GPR149: variants seen among roughly 807,000 people sequenced by gnomAD.
The protein encoded by GPR149 is G protein-coupled receptor 149.
GPR149 carries 50 observed loss-of-function variants against 50.2 expected under a neutral mutation model. That is an observed-to-expected ratio of 1.00 (90% CI 0.79 to 1.26). The LOEUF is 1.26. Ranked by LOEUF, GPR149 falls within the 50% of genes most tolerant of loss-of-function variation. The pLI is 0.00. For synonymous variants in GPR149, 405 were observed against 358.2 expected (o/e 1.13, Z -1.48); for missense variants, 983 against 895.4 (o/e 1.10, Z -1.25).
In GPR149 at chr3:154,388,869, A is replaced by AC. The variant is rs1553765299; in HGVS notation, c.1623+32169_1623+32170insG. On this transcript the variant is annotated intron_variant, in intron 3 of 3. Coordinates refer to ENST00000389740, the MANE Select transcript of GPR149 (RefSeq NM_001038705.3). ...TTATGGTAACATTTCACACATATGA[A>AC]AAACACACACACACACACACACACA... Among the ~76,000 whole-genome samples, 3 of 121,352 alleles carry AC rather than the reference A, an allele frequency of 2.5e-5. No individual in the cohort carries two copies. The East Asian group carries it at 9.2e-4, about 37-fold the overall frequency. 79.6% of individuals were successfully genotyped at this position (121,352 alleles called of 152,430 possible).
chr3:154,406,428 A>G (rs1460167455), intron 3 of GPR149, among the ~76,000 whole-genome samples: 1 of 152,198 alleles, frequency 6.6e-6, no homozygotes, highest in Non-Finnish European at 1.5e-5. Flanking sequence ...TCCTGAAGCT[A>G]CACCTCCAAC....
At chr3:154,387,786 G>T (rs1559982102) in intron 3 of GPR149, among the ~76,000 whole-genome samples, 1 of 152,016 alleles carries the variant, frequency 6.6e-6, no homozygotes, top group South Asian at 2.1e-4. Context: ...TCTCCAGAGT[G>T]CTAAAAAATC....
chr3:154,371,565 C>A (rs999635596), intron 3 of GPR149, among the ~76,000 whole-genome samples: 57 of 152,132 alleles, frequency 3.7e-4, no homozygotes, highest in African/African-American at 1.3e-3. Context: ...ATTGCCAACT[C>A]CCTAGTGACC....
chr3:154,369,095 C>A (rs866267201), intron 3 of GPR149, among the ~76,000 whole-genome samples: 1 of 152,182 alleles, frequency 6.6e-6, no homozygotes, highest in Non-Finnish European at 1.5e-5. Context: ...ACCTGACCCT[C>A]GGGGGATGCC....
chr3:154,352,300 T>G, intron 3 of GPR149: 1 of 907,008 alleles, frequency 1.1e-6, no homozygotes, highest in Non-Finnish European at 1.7e-6. Flanking sequence ...GACCAGCCAC[T>G]TGACCAGCCA....
chr3:154,349,289 A>C (rs1714009552), intron 3 of GPR149, among the ~76,000 whole-genome samples: 2 of 152,230 alleles, frequency 1.3e-5, no homozygotes, highest in Non-Finnish European at 2.9e-5. Context: ...AAAACAGAAA[A>C]ACAAAGAGGA....
At chr3:154,402,939 A>G (rs1230773752) in intron 3 of GPR149, among the ~76,000 whole-genome samples, 1 of 140,508 alleles carries the variant, frequency 7.1e-6, no homozygotes, top group Admixed American at 6.9e-5. Context: ...AGCATTTTGT[A>G]ATTTCCTAAT....
chr3:154,336,999 C>T lies in GPR149; in HGVS notation c.*700G>A, dbSNP rs947906282. 5.9e-5 allele frequency: 9 copies of T among 151,930 alleles called. No homozygotes were observed. The highest frequency in any genetic ancestry group is 1.9e-4 in the African/African-American group (8 of 41,390). The allele number at this position is 151,930 out of a possible 1,614,324, so 9.4% of individuals were successfully genotyped here. A position where few individuals can be genotyped will look rare whatever the true frequency, so the allele number is the denominator to read the frequency against. ...GTTAAAGATACTTCTAATTCCACCT[C>T]TAACACACAATATATTTGTTTTATG... On this transcript the variant is annotated 3_prime_UTR_variant, in exon 4 of 4. Transcript: ENST00000389740.
intron 3 of GPR149, among the ~76,000 whole-genome samples, chr3:154,358,927 T>C (rs1714315123): frequency 6.6e-6 from 1 of 152,208 alleles, no homozygotes; most frequent in Admixed American, 6.5e-5. Flanking sequence ...AATACATTAC[T>C]GCTTCATTTT....
chr3:154,419,639 G>A (rs1712082510), intron 3 of GPR149, among the ~76,000 whole-genome samples: 1 of 151,974 alleles, frequency 6.6e-6, no homozygotes, highest in African/African-American at 2.4e-5. Flanking sequence ...AATCTGTAAG[G>A]GGTAATCACG....
rs187898525 is a variant in GPR149, at chr3:154,337,284, T to G, written c.*415A>C. On this transcript the variant is annotated 3_prime_UTR_variant, in exon 4 of 4. Coordinates refer to ENST00000389740, the MANE Select transcript of GPR149 (RefSeq NM_001038705.3). Reference sequence around the variant, plus strand: ...ATATAATTTGGGGTTTTGTTACATTTCTTCCATTCCCAGAATTCCTCTTTT... The same window carrying G: ...ATATAATTTGGGGTTTTGTTACATTGCTTCCATTCCCAGAATTCCTCTTTT... Among the ~76,000 whole-genome samples the G allele has an allele frequency of 6.6e-6, 1 of 152,178 alleles. No individual in the cohort carries two copies. The highest frequency in any genetic ancestry group is 6.5e-5 in the Admixed American group (1 of 15,276).
intron 3 of GPR149, among the ~76,000 whole-genome samples, chr3:154,397,801 A>G (rs1715327475): frequency 6.6e-6 from 1 of 152,184 alleles, no homozygotes; most frequent in South Asian, 2.1e-4. Flanking sequence ...TCAATAAAAA[A>G]TTACTCATTG....
chr3:154,335,051 A>G lies in GPR149; in HGVS notation c.*2648T>C, dbSNP rs1400652602. The G allele has an allele frequency of 6.6e-6, 1 of 152,066 alleles. No homozygotes were observed. The highest frequency in any genetic ancestry group is 1.9e-4 in the East Asian group (1 of 5,180). 9.4% of individuals were successfully genotyped at this position (152,066 alleles called of 1,614,324 possible). On this transcript the variant is annotated 3_prime_UTR_variant, in exon 4 of 4. Coordinates refer to ENST00000389740, the MANE Select transcript of GPR149 (RefSeq NM_001038705.3). Reference sequence around the variant, plus strand: ...AACTCTCAGAAGTCTTAGGGATTATATATTAGGTGTTTATACTATTTGGGA... The same window carrying G: ...AACTCTCAGAAGTCTTAGGGATTATGTATTAGGTGTTTATACTATTTGGGA...
At chr3:154,422,081 T>C (rs1712164235) in intron 2 of GPR149, among the ~76,000 whole-genome samples, 1 of 151,670 alleles carries the variant, frequency 6.6e-6, no homozygotes, top group African/African-American at 2.4e-5. Context: ...ACATTTCTGA[T>C]ACAAATAAAT....
At chr3:154,348,792 T>C (rs757926909) in intron 3 of GPR149, among the ~76,000 whole-genome samples, 64 of 152,142 alleles carry the variant, frequency 4.2e-4, no homozygotes, top group Non-Finnish European at 1.0e-4. Context: ...AAAATTTTTA[T>C]TTATAGGACA....
intron 3 of GPR149, among the ~76,000 whole-genome samples, chr3:154,358,833 T>C (rs184404136): frequency 1.3e-3 from 198 of 152,328 alleles, no homozygotes; most frequent in African/African-American, 4.3e-3. Flanking sequence ...TATGGTCATA[T>C]ACAGGGATGT....
At chr3:154,353,403 G>T in intron 3 of GPR149, 2 of 1,189,830 alleles carry the variant, frequency 1.7e-6, no homozygotes, top group Non-Finnish European at 1.3e-6. Context: ...AGTTTTGTAG[G>T]ATTTGTGAAT....
chr3:154,339,044 G>A (rs888275730), intron 3 of GPR149, among the ~76,000 whole-genome samples: 29 of 152,116 alleles, frequency 1.9e-4, no homozygotes, highest in African/African-American at 6.7e-4. Flanking sequence ...ACTTTTTATT[G>A]CTGATTCATG....
chr3:154,395,756 C>T (rs1439930613), intron 3 of GPR149, among the ~76,000 whole-genome samples: 3 of 152,152 alleles, frequency 2.0e-5, no homozygotes, highest in African/African-American at 7.2e-5. Context: ...GACTGTGCCA[C>T]TGTACTCCTG....
Sources: allele counts gnomAD v4.1 joint callset (sites outside exome capture counted in the v4.1 genomes callset), GRCh38; gene constraint gnomAD v4.1.1; transcripts MANE v1.5; gene names NCBI Gene and HGNC (gene_info 2026-07-23, HGNC 2026-07-21).